Variants in HGSNAT observed in about 807,000 individuals in gnomAD.
HGSNAT encodes heparan-alpha-glucosaminide N-acetyltransferase, also known as transmembrane protein 76.
In HGSNAT, 59 loss-of-function variants were observed where a neutral mutation model predicts 85.2. That is an observed-to-expected ratio of 0.69 (90% CI 0.56 to 0.86). The LOEUF (loss-of-function observed/expected upper bound fraction) is 0.86. HGSNAT is among the 40% of genes least tolerant of loss of function. The probability of loss-of-function intolerance (pLI) is 0.00; values close to 1 mark genes in which losing one functional copy is unlikely to be tolerated. For synonymous variants in HGSNAT, 321 were observed against 304.5 expected (o/e 1.05, Z -0.56); for missense variants, 756 against 777.1 (o/e 0.97, Z 0.32).
At chr8:43,156,360 A>G (rs1242284199) in intron 2 of HGSNAT, among the ~76,000 whole-genome samples, 1 of 151,922 alleles carries the variant, frequency 6.6e-6, no homozygotes, top group Non-Finnish European at 1.5e-5. Context: ...GGCTGGAGAG[A>G]AGTGGTGTCA....
chr8:43,193,648 A>G, intron 13 of HGSNAT, 109 bp from the exon 14 acceptor site: 1 of 676,312 alleles, frequency 1.5e-6, no homozygotes, highest in African/African-American at 1.8e-5. Context: ...GCAAAAACAG[A>G]AAACCATGAC....
chr8:43,140,664 TC>T, intron 1 of HGSNAT, 50 bp downstream of exon 1: 1 of 966,904 alleles, frequency 1.0e-6, no homozygotes, highest in Admixed American at 4.5e-5. Context: ...GCGCAGCGTC[TC>T]CTCTCCGCGG....
At chr8:43,149,244 G>A (rs1337859546) in intron 2 of HGSNAT, among the ~76,000 whole-genome samples, 2 of 151,982 alleles carry the variant, frequency 1.3e-5, no homozygotes. Context: ...ATAAAGAAGT[G>A]ACACAGGGTT....
chr8:43,159,041 C>T lies in HGSNAT; in HGVS notation c.490C>T (p.Leu164Phe), dbSNP rs2130715697. ...AVNEDPVDSN[L>F]PVSIAFLIGL... ...GAACGAGGATCCAGTTGATAGTAAC[C>T]TTCGTACGTATATGTTCTCTGCTGA... Residue 164 changes from leucine (L) to phenylalanine (F), a missense_variant, in exon 4 of 18, where the codon CTT becomes TTT. Coordinates refer to ENST00000379644, the MANE Select transcript of HGSNAT (RefSeq NM_152419.3). 2 of 1,613,182 alleles carry T rather than the reference C, an allele frequency of 1.2e-6. No homozygotes were observed. Among genetic ancestry groups the T allele is most frequent in the Non-Finnish European group, 1.7e-6 (2 of 1,179,658 alleles).
At chr8:43,167,919 C>CT in intron 5 of HGSNAT, 1 of 272,490 alleles carries the variant, frequency 3.7e-6, no homozygotes, top group Non-Finnish European at 7.3e-6. Flanking sequence ...TCTTTTCTTT[C>CT]TTTCTTTTTT....
At chr8:43,148,934 G>A (rs1802802356) in intron 2 of HGSNAT, among the ~76,000 whole-genome samples, 1 of 151,548 alleles carries the variant, frequency 6.6e-6, no homozygotes, top group African/African-American at 2.4e-5. Context: ...TGGCCAGCAT[G>A]GTGAAACCCC....
Position 43,169,241 on chromosome 8 carries a change from C to T in HGSNAT, c.632C>T (p.Ser211Phe), listed in dbSNP as rs1262727794. The T allele has an allele frequency of 1.3e-6, 2 of 1,574,370 alleles. No individual in the cohort carries two copies. Among genetic ancestry groups the T allele is most frequent in the Non-Finnish European group, 1.7e-6 (2 of 1,155,316 alleles). ...SSRETDRLIN[S>F]ELGSPSRTDP... ...CGAGAAACTGATCGCCTCATCAATTCTGTAAGTTATGAGATGCATAGTGTA... is the reference window on the plus strand; with the variant it reads ...CGAGAAACTGATCGCCTCATCAATTTTGTAAGTTATGAGATGCATAGTGTA... Residue 211 changes from serine (S) to phenylalanine (F), a missense_variant and splice_region_variant, in exon 6 of 18, where the codon TCT (serine) becomes TTT (phenylalanine). Physicochemically the swap from Ser to Phe is radical, Grantham distance 155. Coordinates refer to ENST00000379644, the MANE Select transcript of HGSNAT (RefSeq NM_152419.3).
Position 43,140,466 on chromosome 8 carries a change from G to C in HGSNAT, c.-31G>C, listed in dbSNP as rs1165264908. 1.1e-6 allele frequency: 1 copy of C among 912,912 alleles called. No individual in the cohort carries two copies. Among genetic ancestry groups the C allele is most frequent in the Non-Finnish European group, 1.3e-6 (1 of 762,818 alleles). 56.6% of individuals were successfully genotyped at this position (912,912 alleles called of 1,614,324 possible). ...AGCAGCGCAGGGCGGGGCGCAGCGG[G>C]CAGGCAAGGGCGGCCGAGCGGGCGG... On this transcript the variant is annotated 5_prime_UTR_variant, in exon 1 of 18. Transcript: ENST00000379644.
chr8:43,149,102 C>A (rs1019368234), intron 2 of HGSNAT, among the ~76,000 whole-genome samples: 1 of 146,488 alleles, frequency 6.8e-6, no homozygotes, highest in Non-Finnish European at 1.5e-5. Flanking sequence ...GGCATCAGAG[C>A]GAGACTCTGT....
chr8:43,185,168 G>C (rs1804264551), intron 11 of HGSNAT, among the ~76,000 whole-genome samples: 1 of 152,112 alleles, frequency 6.6e-6, no homozygotes, highest in Admixed American at 6.5e-5. Context: ...TTCCAATTCT[G>C]TGAAGAAAGT....
chr8:43,153,630 A>G (rs958573262), intron 2 of HGSNAT, among the ~76,000 whole-genome samples: 1 of 152,222 alleles, frequency 6.6e-6, no homozygotes, highest in Non-Finnish European at 1.5e-5. Flanking sequence ...ATTGTTAACT[A>G]TAGTCACCCT....
chr8:43,141,134 C>G (rs745668622), intron 1 of HGSNAT, among the ~76,000 whole-genome samples: 41 of 152,300 alleles, frequency 2.7e-4, no homozygotes, highest in Non-Finnish European at 4.3e-4. Context: ...GGGGCCGGGA[C>G]GCGCGTTCGC....
intron 10 of HGSNAT, among the ~76,000 whole-genome samples, chr8:43,178,481 C>T (rs564832998): frequency 7.2e-5 from 11 of 151,860 alleles, no homozygotes; most frequent in African/African-American, 1.7e-4. Context: ...AGGCCAAGAG[C>T]GATTGAAGGT....
intron 5 of HGSNAT, among the ~76,000 whole-genome samples, chr8:43,165,937 A>G (rs1401678070): frequency 6.6e-6 from 1 of 151,878 alleles, no homozygotes; most frequent in Non-Finnish European, 1.5e-5. Context: ...CTCTGTCTCA[A>G]AAAGAAAAAA....
intron 11 of HGSNAT, among the ~76,000 whole-genome samples, chr8:43,187,392 T>A (rs1158991047): frequency 6.6e-6 from 1 of 152,210 alleles, no homozygotes; most frequent in Non-Finnish European, 1.5e-5. Flanking sequence ...TTTACCATTA[T>A]GTAATGGCCT....
At chr8:43,194,888 C>G (rs1399237796) in intron 14 of HGSNAT, among the ~76,000 whole-genome samples, 3 of 152,148 alleles carry the variant, frequency 2.0e-5, no homozygotes, top group Non-Finnish European at 2.9e-5. Context: ...CACCAGATAC[C>G]GAATCTACTG....
chr8:43,186,467 T>C (rs894498683), intron 11 of HGSNAT, among the ~76,000 whole-genome samples: 10 of 152,226 alleles, frequency 6.6e-5, no homozygotes, highest in Admixed American at 1.3e-4. Flanking sequence ...TTTGTATTTC[T>C]GTGGAATCGG....
chr8:43,171,882 C>T (rs1369857874), intron 7 of HGSNAT, among the ~76,000 whole-genome samples: 1 of 152,124 alleles, frequency 6.6e-6, no homozygotes, highest in African/African-American at 2.4e-5. Flanking sequence ...GAACCTTGCC[C>T]AGGGTCTTAT....
intron 10 of HGSNAT, among the ~76,000 whole-genome samples, chr8:43,178,776 G>A (rs980833721): frequency 9.4e-5 from 14 of 149,094 alleles, no homozygotes; most frequent in African/African-American, 3.5e-4. Context: ...CAGTGTTTGT[G>A]TCCCTGGGTA....
Sources: gnomAD v4.1 joint callset for allele counts (sites outside exome capture counted in the v4.1 genomes callset) on GRCh38, gnomAD v4.1.1 for gene constraint, MANE v1.5 for transcripts, NCBI Gene and HGNC (gene_info 2026-07-23, HGNC 2026-07-21) for gene names.